The following ZNF766 variants were observed in gnomAD, a reference collection of about 807,000 sequenced individuals.
The protein encoded by ZNF766 is zinc finger protein 766.
In ZNF766, 13 loss-of-function variants were observed where a neutral mutation model predicts 13.2. The observed-to-expected ratio is 0.98, with a 90% CI of 0.64 to 1.56. The LOEUF (loss-of-function observed/expected upper bound fraction) is 1.56. Ranked by LOEUF, ZNF766 falls within the 40% of genes most tolerant of loss-of-function variation. The pLI is 0.00. For synonymous variants in ZNF766, 178 were observed against 187.6 expected (o/e 0.95, Z 0.42); for missense variants, 521 against 552.2 (o/e 0.94, Z 0.57).
intron 3 of ZNF766, among the ~76,000 whole-genome samples, chr19:52,289,588 T>G (rs1256902686): frequency 6.6e-6 from 1 of 152,196 alleles, no homozygotes; most frequent in Non-Finnish European, 1.5e-5. Context: ...AGATTCCCCA[T>G]TGCTCCATTG....
intron 2 of ZNF766, 82 bp downstream of exon 2, chr19:52,282,319 G>A: frequency 6.8e-7 from 1 of 1,467,138 alleles, no homozygotes; most frequent in Non-Finnish European, 9.1e-7. Context: ...GGGAGCCCCT[G>A]CATTGCTTGA....
Position 52,293,561 on chromosome 19 carries a change from A to T in ZNF766, c.*2363A>T, listed in dbSNP as rs1982240082. ...TTTGGGTATATACACTTGGGTAAGT[A>T]TGATTTTGGGTAATAATACTTAGTA... On this transcript the variant is annotated 3_prime_UTR_variant, in exon 4 of 4. Coordinates refer to ENST00000439461, the MANE Select transcript of ZNF766 (RefSeq NM_001010851.3). 6.6e-6 allele frequency: 1 copy of T among 152,206 alleles called. No individual in the cohort carries two copies. The highest frequency in any genetic ancestry group is 2.4e-5 in the African/African-American group (1 of 41,440). 9.4% of individuals were successfully genotyped at this position (152,206 alleles called of 1,614,324 possible).
rs1288665125 is a variant in ZNF766, at chr19:52,293,223, A to G, written c.*2025A>G. 6.9e-6 allele frequency: 1 copy of G among 145,250 alleles called. No individual in the cohort carries two copies. The highest frequency in any genetic ancestry group is 7.1e-5 in the Admixed American group (1 of 14,114). The allele number at this position is 145,250 out of a possible 1,614,324, so 9.0% of individuals were successfully genotyped here. On this transcript the variant is annotated 3_prime_UTR_variant, in exon 4 of 4. Coordinates refer to ENST00000439461, the MANE Select transcript of ZNF766 (RefSeq NM_001010851.3). ...AAGTTTTGCTCTGTCACTCAGGCTG[A>G]AGTGCAATGGCACGATCTTGGCTCA...
intron 1 of ZNF766, among the ~76,000 whole-genome samples, chr19:52,275,827 C>T (rs1299799315): frequency 1.3e-5 from 2 of 151,918 alleles, no homozygotes; most frequent in African/African-American, 4.8e-5. Flanking sequence ...ATTACAGGCA[C>T]CCACTTTCAT....
chr19:52,275,826 A>G (rs962277642), intron 1 of ZNF766, among the ~76,000 whole-genome samples: 1 of 151,914 alleles, frequency 6.6e-6, no homozygotes, highest in African/African-American at 2.4e-5. Flanking sequence ...GATTACAGGC[A>G]CCCACTTTCA....
At chr19:52,276,187 A>C (rs1981189664) in intron 1 of ZNF766, among the ~76,000 whole-genome samples, 1 of 152,292 alleles carries the variant, frequency 6.6e-6, no homozygotes, top group East Asian at 1.9e-4. Context: ...CGTTTCTCAG[A>C]ACATGTCCCT....
chr19:52,290,214 C>G lies in ZNF766; in HGVS notation c.423C>G (p.Ser141Arg), dbSNP rs1373800490. The change falls in exon 4 of 4, where the codon AGC becomes AGG. Residue 141 changes from serine (S) to arginine (R), a missense_variant. Ser to Arg is a moderately radical substitution (Grantham distance 110). Transcript: ENST00000439461. ...GTAATCAAGTTCAAAAGTTCATCAG[C>G]CACAGTTCTTCAGTTTCGCCACTTC... ...YECNQVQKFI[S>R]HSSSVSPLQR... 3 of 1,613,868 alleles carry G rather than the reference C, an allele frequency of 1.9e-6. No individual in the cohort carries two copies. The highest frequency in any genetic ancestry group is 2.5e-6 in the Non-Finnish European group (3 of 1,179,902).
chr19:52,292,151 C>G lies in ZNF766; in HGVS notation c.*953C>G, dbSNP rs1258520440. 1 of 702,864 alleles carries G rather than the reference C, an allele frequency of 1.4e-6. No homozygotes were observed. Among genetic ancestry groups the G allele is most frequent in the African/African-American group, 1.7e-5 (1 of 57,354 alleles). The allele number at this position is 702,864 out of a possible 1,614,324, so 43.5% of individuals were successfully genotyped here. On this transcript the variant is annotated 3_prime_UTR_variant, in exon 4 of 4. Transcript: ENST00000439461. ...TTCTTCATGTGCCTTCCCTACAGGC[C>G]TTTCACTGTGGTCTGGGAAAGAATC...
chr19:52,270,950 A>T (rs952012207), intron 1 of ZNF766, among the ~76,000 whole-genome samples: 1 of 151,908 alleles, frequency 6.6e-6, no homozygotes, highest in Non-Finnish European at 1.5e-5. Context: ...TCGCCTGGCC[A>T]ATTTTGTATT....
intron 3 of ZNF766, among the ~76,000 whole-genome samples, chr19:52,288,526 C>T (rs1981945850): frequency 6.6e-6 from 1 of 151,920 alleles, no homozygotes; most frequent in Non-Finnish European, 1.5e-5. Flanking sequence ...CGACACTGTG[C>T]CTCACTAATT....
At chr19:52,278,494 C>T (rs912146044) in intron 1 of ZNF766, among the ~76,000 whole-genome samples, 2 of 152,108 alleles carry the variant, frequency 1.3e-5, no homozygotes, top group South Asian at 2.1e-4. Flanking sequence ...ACCTCTGCCT[C>T]CCGGGTTCAA....
At chr19:52,275,514 G>A (rs1981150316) in intron 1 of ZNF766, 2 of 152,066 alleles carry the variant, frequency 1.3e-5, no homozygotes, top group African/African-American at 4.8e-5. Context: ...TATAAAGCCT[G>A]TAGTAGTGTA....
intron 3 of ZNF766, among the ~76,000 whole-genome samples, chr19:52,286,948 C>T (rs1260619540): frequency 1.3e-5 from 2 of 151,944 alleles, no homozygotes; most frequent in Non-Finnish European, 2.9e-5. Context: ...TGCTTCTCCT[C>T]CCTCAGCCTC....
intron 1 of ZNF766, among the ~76,000 whole-genome samples, chr19:52,269,998 G>A (rs1262059376): frequency 1.3e-5 from 2 of 152,184 alleles, no homozygotes; most frequent in Non-Finnish European, 2.9e-5. Flanking sequence ...ATTCGGGAGG[G>A]GCCGCGTCCT....
intron 1 of ZNF766, among the ~76,000 whole-genome samples, chr19:52,278,550 C>T (rs188833770): frequency 3.6e-4 from 55 of 152,178 alleles, no homozygotes; most frequent in African/African-American, 1.2e-3. Context: ...ACTACAGGCC[C>T]CTGCCAGCAC....
rs186075059 is a variant in ZNF766 at position 52,288,821 on chromosome 19, C to T, written c.275-1245C>T. Among the ~76,000 whole-genome samples, 6 of 150,920 alleles carry T rather than the reference C, an allele frequency of 4.0e-5. No individual in the cohort carries two copies. In the East Asian group the frequency reaches 1.2e-3, roughly 29 times the overall value. On this transcript the variant is annotated intron_variant, in intron 3 of 3. Coordinates refer to ENST00000439461, the MANE Select transcript of ZNF766 (RefSeq NM_001010851.3). ...TATATCAAGATATTTCCTAATTTTC[C>T]TTTTATTTTATTTTTATTTATTTAC...
At chr19:52,282,447 C>T (rs2092932595) in intron 2 of ZNF766, 1 of 376,134 alleles carries the variant, frequency 2.7e-6, no homozygotes, top group South Asian at 2.9e-5. Context: ...ACCAACCTGA[C>T]CAAAATGATA....
At chr19:52,286,196 A>ACCC (rs1477175154) in intron 3 of ZNF766, among the ~76,000 whole-genome samples, 2 of 133,880 alleles carry the variant, frequency 1.5e-5, no homozygotes, top group Non-Finnish European at 3.1e-5. Context: ...TTTCCCCCCT[A>ACCC]ATTATAAAGG....
chr19:52,286,996 C>T (rs184895416), intron 3 of ZNF766, among the ~76,000 whole-genome samples: 277 of 151,474 alleles, frequency 1.8e-3, no homozygotes, highest in African/African-American at 6.2e-3. Context: ...CCACCATGCC[C>T]GGATAACTTT....
Sources: allele counts gnomAD v4.1 joint callset (sites outside exome capture counted in the v4.1 genomes callset), GRCh38; gene constraint gnomAD v4.1.1; transcripts MANE v1.5; gene names NCBI Gene and HGNC (gene_info 2026-07-23, HGNC 2026-07-21).